The following INPP5E variants were observed in gnomAD, a reference collection of about 807,000 sequenced individuals.
INPP5E encodes the protein inositol polyphosphate-5-phosphatase E, also known as phosphatidylinositol polyphosphate 5-phosphatase type IV.
A neutral mutation model predicts 50.5 loss-of-function variants in INPP5E; 34 were observed. The ratio of observed to expected loss-of-function variants is 0.67; its 90% confidence interval spans 0.51 to 0.90. The LOEUF (loss-of-function observed/expected upper bound fraction) is 0.90. INPP5E is among the 40% of genes least tolerant of loss of function. INPP5E has a pLI of 0.00. For synonymous variants in INPP5E, 447 were observed against 406.0 expected, an observed-to-expected ratio of 1.10 and a Z score of -1.21; for missense variants, 942 against 905.5, an observed-to-expected ratio of 1.04 and a Z score of -0.52.
chr9:136,430,922 T>C, intron 8 of INPP5E, 80 bp downstream of exon 8: 2 of 1,019,740 alleles, frequency 2.0e-6, no homozygotes, highest in Non-Finnish European at 3.1e-6. Context: ...CTCAGACCCC[T>C]GACGCCAGGC....
At chr9:136,434,703 C>CCCCCAA in intron 2 of INPP5E, 37 bp downstream of exon 2, 1 of 1,582,854 alleles carries the variant, frequency 6.3e-7, no homozygotes, top group Non-Finnish European at 8.6e-7. Flanking sequence ...AGCACCACCC[C>CCCCCAA]ACCCTTCCCC....
Position 136,431,122 on chromosome 9 carries a change from C to T in INPP5E, c.1550-5G>A. 6.3e-7 allele frequency: 1 copy of T among 1,599,040 alleles called. No individual in the cohort carries two copies. Among genetic ancestry groups the T allele is most frequent in the Non-Finnish European group, 8.6e-7 (1 of 1,167,410 alleles). ...GGAAGCCCTTGAAGATGGACCCTGC[C>T]ACAGGATGGGCACTCGGACTGGCTC... is the stretch of plus-strand genomic sequence containing the variant. On this transcript the variant is annotated splice_region_variant and splice_polypyrimidine_tract_variant and intron_variant, in intron 7 of 9. Transcript: ENST00000371712.
Position 136,430,348 on chromosome 9 carries a change from G to A in INPP5E, c.1731C>T (p.Pro577=), listed in dbSNP as rs371946549. 1.2e-5 allele frequency: 19 copies of A among 1,554,238 alleles called. No homozygotes were observed. Among genetic ancestry groups the A allele is most frequent in the African/African-American group, 9.5e-5 (7 of 73,354 alleles). The part of the protein sequence containing the change: ...DICPVSYSSC[P]GIKTSDHRPV... ...GGCGGTGGTCGGACGTCTTGATCCC[G>A]GGGCAGGAAGAGTAGCTCACAGGAC... Residue 577 remains proline, a synonymous_variant, in exon 9 of 10, where the codon CCC becomes CCT. Coordinates refer to ENST00000371712, the MANE Select transcript of INPP5E (RefSeq NM_019892.6).
At chr9:136,433,602 C>T (rs549792416) in intron 3 of INPP5E, among the ~76,000 whole-genome samples, 23 of 152,234 alleles carry the variant, frequency 1.5e-4, no homozygotes, top group South Asian at 8.3e-4. Flanking sequence ...CCTGTGTGGG[C>T]GGCAGCCACC....
intron 1 of INPP5E, chr9:136,438,070 T>G: frequency 6.2e-6 from 1 of 161,520 alleles, no homozygotes; most frequent in Non-Finnish European, 1.4e-5. Flanking sequence ...AGGCCAGGAG[T>G]TCGAGACCAG....
intron 1 of INPP5E, chr9:136,438,290 C>T (rs188008178): frequency 2.0e-5 from 9 of 458,384 alleles, no homozygotes; most frequent in Admixed American, 1.1e-4. Flanking sequence ...ACCAAAGGGG[C>T]GGATCGTATA....
At position 136,431,874 on chromosome 9, in the gene INPP5E, T is replaced by C; in HGVS notation, c.1499A>G (p.Asp500Gly). The C allele has an allele frequency of 6.2e-7, 1 of 1,608,296 alleles. No individual in the cohort carries two copies. Among genetic ancestry groups the C allele is most frequent in the Non-Finnish European group, 8.5e-7 (1 of 1,179,022 alleles). The change falls in exon 7 of 10, where the codon GAC becomes GGC. Residue 500 changes from aspartate to glycine, a missense_variant. Transcript: ENST00000371712. ...DALLCQGLVV[D>G]VPALLQHDQL... ...GTCGTGCTGCAGCAGCGCCGGCACG[T>C]CCACCACCAGGCCCTGGCACAGGAG...
In INPP5E at chr9:136,439,686, G is replaced by C. The variant is rs529969701; in HGVS notation, c.-267C>G. ...GAACAGGCGGCTGGGCGCCTGTCGC[G>C]GGGGAGGTTCGACCCCGACGGGGAC... On this transcript the variant is annotated 5_prime_UTR_variant, in exon 1 of 10. Coordinates refer to ENST00000371712, the MANE Select transcript of INPP5E (RefSeq NM_019892.6). 3.1e-6 allele frequency: 1 copy of C among 325,274 alleles called. No homozygotes were observed. Among genetic ancestry groups the C allele is most frequent in the Non-Finnish European group, 5.6e-6 (1 of 179,494 alleles). The allele number at this position is 325,274 out of a possible 1,614,324, so 20.1% of individuals were successfully genotyped here.
Position 136,432,004 on chromosome 9 carries a change from T to C in INPP5E, c.1388-19A>G, listed in dbSNP as rs1403551774. 9 of 1,612,468 alleles carry C rather than the reference T, an allele frequency of 5.6e-6. No homozygotes were observed. Among genetic ancestry groups the C allele is most frequent in the Admixed American group, 5.0e-5 (3 of 59,988 alleles). ...ACGTCCGCTGCGGCACAGTGGGCCA[T>C]GTGTGGGCACAGGCAGAGGGACGGC... On this transcript the variant is annotated intron_variant, in intron 6 of 9. Transcript: ENST00000371712.
rs147885381 is a variant in INPP5E at position 136,428,885 on chromosome 9, G to T, written c.*790C>A. On this transcript the variant is annotated 3_prime_UTR_variant, in exon 10 of 10. Transcript: ENST00000371712. Reference sequence around the variant, plus strand: ...AGCCCGGTTCCACTAATGTCATTCCGCGGCTGGAGTTAAAGAAGCAAACGG... The same window carrying T: ...AGCCCGGTTCCACTAATGTCATTCCTCGGCTGGAGTTAAAGAAGCAAACGG... 10 of 152,584 alleles carry T rather than the reference G, an allele frequency of 6.6e-5. No individual in the cohort carries two copies. Among genetic ancestry groups the T allele is most frequent in the Non-Finnish European group, 1.2e-4 (8 of 68,158 alleles). The allele number at this position is 152,584 out of a possible 1,614,324, so 9.5% of individuals were successfully genotyped here. A position where few individuals can be genotyped will look rare whatever the true frequency, so the allele number is the denominator to read the frequency against.
Position 136,429,810 on chromosome 9 carries a change from G to A in INPP5E, c.1803-3C>T. ...ATTTGCCAGCTGCCAACGGAATGCTGTGGAGGAGGAGGGGGCGTTAGGAGG... is the reference window on the plus strand; with the variant it reads ...ATTTGCCAGCTGCCAACGGAATGCTATGGAGGAGGAGGGGGCGTTAGGAGG... On this transcript the variant is annotated splice_polypyrimidine_tract_variant and splice_region_variant and intron_variant, in intron 9 of 9. Transcript: ENST00000371712. 6.2e-7 allele frequency: 1 copy of A among 1,613,472 alleles called. No individual in the cohort carries two copies. The highest frequency in any genetic ancestry group is 1.1e-5 in the South Asian group (1 of 91,080).
rs1159056595 is a variant in INPP5E, at chr9:136,439,184, C to A, written c.236G>T (p.Arg79Leu). 3 of 1,551,014 alleles carry A rather than the reference C, an allele frequency of 1.9e-6. No homozygotes were observed. Among genetic ancestry groups the A allele is most frequent in the Admixed American group, 1.9e-5 (1 of 52,828 alleles). The change falls in exon 1 of 10, where the codon CGA becomes CTA. Residue 79 changes from arginine to leucine, a missense_variant. Transcript: ENST00000371712. ...GTCCAGGGACAGGGCTCGCTCCAGT[C>A]GAGGCCTGGCGGGGGGCCGCGGGGC... ...PIAPRPPARPRLERALSLDDK... is the reference protein window; with the variant it reads ...PIAPRPPARPLLERALSLDDK...
At chr9:136,435,888 AC>A (rs1469649534) in intron 1 of INPP5E, 3 of 152,118 alleles carry the variant, frequency 2.0e-5, no homozygotes, top group Admixed American at 1.3e-4. Flanking sequence ...AATGGTTTTG[AC>A]TTTTTCCAAC....
intron 3 of INPP5E, among the ~76,000 whole-genome samples, chr9:136,433,649 T>C (rs1001583834): frequency 1.3e-5 from 2 of 152,200 alleles, no homozygotes; most frequent in Non-Finnish European, 2.9e-5. Context: ...CCGGGAGGCC[T>C]TGGGGCCCGG....
At chr9:136,432,800 G>A (rs1384338902) in intron 5 of INPP5E, among the ~76,000 whole-genome samples, 156 bp downstream of exon 5, 1 of 152,204 alleles carries the variant, frequency 6.6e-6, no homozygotes, top group Admixed American at 6.5e-5. Flanking sequence ...TCTGCCGGGG[G>A]TCCTTGGCGT....
Position 136,430,288 on chromosome 9 carries a change from C to A in INPP5E, c.1791G>T (p.Pro597=). 1 of 1,551,386 alleles carries A rather than the reference C, an allele frequency of 6.4e-7. No individual in the cohort carries two copies. Among genetic ancestry groups the A allele is most frequent in the Non-Finnish European group, 8.7e-7 (1 of 1,146,996 alleles). ...VYGLFRVKVR[P]GRDNIPLAAG... Reference sequence around the variant, plus strand: ...GGGAGAACACTGACTTGTCTCGCCCCGGCCTCACTTTCACCCGGAAGAGGC... The same window carrying A: ...GGGAGAACACTGACTTGTCTCGCCCAGGCCTCACTTTCACCCGGAAGAGGC... The change falls in exon 9 of 10, where the codon CCG becomes CCT. Residue 597 remains proline, a synonymous_variant. Coordinates refer to ENST00000371712, the MANE Select transcript of INPP5E (RefSeq NM_019892.6).
chr9:136,434,061 C>T lies in INPP5E; in HGVS notation c.1010G>A (p.Gly337Glu). ...CCTGTCAGAACAGCCCTCCTGGACCCCGATGACATACAGGTCCTGGGCATA... is the reference window on the plus strand; with the variant it reads ...CCTGTCAGAACAGCCCTCCTGGACCTCGATGACATACAGGTCCTGGGCATA... ...ADYAQDLYVI[G>E]VQEGCSDRRE... is the part of the protein sequence containing the mutation. Residue 337 changes from glycine (G) to glutamate (E), a missense_variant, in exon 3 of 10, where the codon GGG becomes GAG. Coordinates refer to ENST00000371712, the MANE Select transcript of INPP5E (RefSeq NM_019892.6). 1 of 1,610,350 alleles carries T rather than the reference C, an allele frequency of 6.2e-7. No individual in the cohort carries two copies. The highest frequency in any genetic ancestry group is 8.5e-7 in the Non-Finnish European group (1 of 1,179,286).
chr9:136,431,091 G>T lies in INPP5E; in HGVS notation c.1576C>A (p.Pro526Thr). 1 of 1,612,902 alleles carries T rather than the reference G, an allele frequency of 6.2e-7. No homozygotes were observed. Among genetic ancestry groups the T allele is most frequent in the Non-Finnish European group, 8.5e-7 (1 of 1,179,516 alleles). ...KGSIFKGFQE[P>T]DIHFLPSYKF... is the part of the protein sequence containing the mutation. ...TATGATGGGAGGAAGTGGATGTCCG[G>T]CTCCTGGAAGCCCTTGAAGATGGAC... Residue 526 changes from proline to threonine, a missense_variant, in exon 8 of 10, where the codon CCG becomes ACG. By Grantham distance (38) the Pro-to-Thr change is conservative. Coordinates refer to ENST00000371712, the MANE Select transcript of INPP5E (RefSeq NM_019892.6).
intron 2 of INPP5E, 72 bp from the exon 3 acceptor site, chr9:136,434,206 C>T (rs941998442): frequency 1.7e-5 from 18 of 1,051,054 alleles, no homozygotes; most frequent in African/African-American, 7.8e-5. Flanking sequence ...AATCCCACTG[C>T]GGTGCCTTGA....
Sources: gnomAD v4.1 joint callset for allele counts (sites outside exome capture counted in the v4.1 genomes callset) on GRCh38, gnomAD v4.1.1 for gene constraint, MANE v1.5 for transcripts, NCBI Gene and HGNC (gene_info 2026-07-23, HGNC 2026-07-21) for gene names.